Variants in FGD5 observed in about 807,000 individuals in gnomAD.
The protein encoded by FGD5 is FYVE, RhoGEF and PH domain-containing protein 5.
In FGD5, 28 loss-of-function variants were observed where a neutral mutation model predicts 133.4. The ratio of observed to expected loss-of-function variants is 0.21; its 90% CI spans 0.16 to 0.29. The LOEUF (loss-of-function observed/expected upper bound fraction) is 0.29, where lower values mean the gene tolerates loss of function less well. FGD5 is among the 10% of genes least tolerant of loss of function. The pLI is 1.00. For synonymous variants in FGD5, 810 were observed against 776.5 expected (o/e 1.04, Z -0.72); for missense variants, 1,858 against 1,895.2 (o/e 0.98, Z 0.36).
intron 4 of FGD5, among the ~76,000 whole-genome samples, chr3:14,891,129 T>C (rs1216398960): frequency 3.3e-5 from 5 of 152,326 alleles, no homozygotes; most frequent in Middle Eastern, 6.8e-3. Context: ...TTTCCTGGGA[T>C]GCCAGGGCTC....
At chr3:14,920,888 A>G (rs2038666763) in intron 13 of FGD5, among the ~76,000 whole-genome samples, 1 of 152,220 alleles carries the variant, frequency 6.6e-6, no homozygotes, top group African/African-American at 2.4e-5. Context: ...TTGGAAACCC[A>G]AAGGAGGGAC....
chr3:14,880,464 C>T, intron 2 of FGD5, 108 bp from the exon 3 acceptor site: 1 of 911,714 alleles, frequency 1.1e-6, no homozygotes, highest in East Asian at 2.6e-5. Flanking sequence ...GTAATGAGTG[C>T]CAGGAAATGG....
chr3:14,904,719 T>A (rs1188088432), intron 9 of FGD5, among the ~76,000 whole-genome samples: 1 of 152,222 alleles, frequency 6.6e-6, no homozygotes, highest in East Asian at 1.9e-4. Context: ...CTTTTACACC[T>A]CCTTAGCTGA....
At chr3:14,844,205 A>T (rs1201807157) in intron 1 of FGD5, among the ~76,000 whole-genome samples, 1 of 7,834 alleles carries the variant, frequency 1.3e-4, no homozygotes, top group African/African-American at 5.0e-4. Context: ...AATAGGCATT[A>T]AAAAAAAAAA....
intron 4 of FGD5, among the ~76,000 whole-genome samples, chr3:14,893,462 C>T (rs183304592): frequency 1.3e-3 from 204 of 152,262 alleles, no homozygotes; most frequent in Non-Finnish European, 2.6e-3. Flanking sequence ...AGCAATCTTC[C>T]TGCTTCAGCA....
intron 4 of FGD5, among the ~76,000 whole-genome samples, chr3:14,887,545 TA>T (rs879890910): frequency 4.5e-4 from 64 of 143,808 alleles, no homozygotes; most frequent in Admixed American, 5.6e-4. Flanking sequence ...ACCCTGTCCC[TA>T]AAAAAAAAAA....
intron 4 of FGD5, among the ~76,000 whole-genome samples, chr3:14,892,066 C>A (rs1042896353): frequency 6.6e-6 from 1 of 152,022 alleles, no homozygotes; most frequent in Non-Finnish European, 1.5e-5. Context: ...TGTTCCCCTG[C>A]AGGGAGGGGT....
At chr3:14,870,626 C>T (rs564059523) in intron 2 of FGD5, among the ~76,000 whole-genome samples, 1 of 152,192 alleles carries the variant, frequency 6.6e-6, no homozygotes, top group Non-Finnish European at 1.5e-5. Flanking sequence ...GCCCCCAGAC[C>T]CCATCCTTCA....
intron 4 of FGD5, chr3:14,882,145 C>T (rs2037836795): frequency 4.0e-6 from 1 of 252,250 alleles, no homozygotes; most frequent in Non-Finnish European, 6.3e-6. Context: ...CCCCATTCAG[C>T]TTTTATACCT....
In FGD5 at chr3:14,819,796, T is replaced by C. The variant is rs1217475513; in HGVS notation, c.725T>C (p.Met242Thr). 21 of 1,576,296 alleles carry C rather than the reference T, an allele frequency of 1.3e-5. No homozygotes were observed. Among genetic ancestry groups the C allele is most frequent in the Non-Finnish European group, 1.6e-5 (19 of 1,161,128 alleles). ...GGTCCTGACAGGCCCACGGAGGACA[T>C]GGGACAGGATGCTGAGGACACCAGT... ...GSGPDRPTED[M>T]GQDAEDTSEE... is the part of the protein sequence containing the mutation. The change falls in exon 1 of 20, where the codon ATG (methionine) becomes ACG (threonine). Residue 242 changes from methionine (M) to threonine (T), a missense_variant. Physicochemically the swap from Met to Thr is moderately conservative, Grantham distance 81. Around this residue, in one of 3 missense-constraint regions of FGD5, gnomAD observed 1,824 missense variants for 1,848.9 expected, o/e 0.99. Transcript: ENST00000285046. This position sits in a 1 kb window ranked among gnomAD's most constrained non-coding sequence, Gnocchi z 4.1.
At chr3:14,880,083 A>G (rs1013829354) in intron 2 of FGD5, among the ~76,000 whole-genome samples, 14 of 152,274 alleles carry the variant, frequency 9.2e-5, no homozygotes, top group African/African-American at 2.6e-4. Context: ...TCGGTGGCTC[A>G]TGCCTATAAT....
chr3:14,899,530 T>A (rs904863399), intron 7 of FGD5, among the ~76,000 whole-genome samples: 1 of 152,192 alleles, frequency 6.6e-6, no homozygotes, highest in East Asian at 1.9e-4. Context: ...GATATGTAAT[T>A]CCAGGTAGCA....
rs576116607 is a variant in FGD5 at position 14,898,163 on chromosome 3, TGCAA to T, written c.3066+69_3066+72del. On this transcript the variant is annotated intron_variant, in intron 6 of 19. Coordinates refer to ENST00000285046, the MANE Select transcript of FGD5 (RefSeq NM_152536.4). The stretch of plus-strand genomic sequence containing the variant: ...GGGTTGAGGTGGGCGAAGGGCTTAA[TGCAA>T]ATCAGTGGGACATCTTGGTAGGTGT... The T allele has an allele frequency of 5.0e-6, 8 of 1,589,106 alleles. No homozygotes were observed. In the African/African-American group the frequency reaches 1.1e-4, roughly 21 times the overall value.
intron 4 of FGD5, among the ~76,000 whole-genome samples, chr3:14,889,303 A>C (rs529832381): frequency 6.6e-6 from 1 of 152,332 alleles, no homozygotes; most frequent in South Asian, 2.1e-4. Context: ...GCTCTCTGTC[A>C]CATGAGAGTG....
chr3:14,910,096 CA>C (rs879672016), intron 10 of FGD5, among the ~76,000 whole-genome samples: 1 of 151,000 alleles, frequency 6.6e-6, no homozygotes, highest in African/African-American at 2.4e-5. Context: ...GCCAAATTTG[CA>C]AAAAAATAAA....
intron 1 of FGD5, among the ~76,000 whole-genome samples, chr3:14,853,695 C>T (rs76438117): frequency 0.097 from 11,508 of 118,644 alleles, 670 homozygotes; most frequent in East Asian, 0.34. Flanking sequence ...TTTGGCTGTG[C>T]TCAGAGTTAT....
intron 2 of FGD5, among the ~76,000 whole-genome samples, chr3:14,865,119 A>AC (rs1216267069): frequency 7.1e-6 from 1 of 140,746 alleles, no homozygotes; most frequent in Admixed American, 7.3e-5. Flanking sequence ...CCCCCACCCA[A>AC]CCCACCCATC....
intron 2 of FGD5, among the ~76,000 whole-genome samples, chr3:14,869,030 C>G (rs2037554465): frequency 6.6e-6 from 1 of 152,158 alleles, no homozygotes; most frequent in Non-Finnish European, 1.5e-5. Flanking sequence ...CACGGTGGCT[C>G]ACACCTGTAA....
upstream of FGD5, among the ~76,000 whole-genome samples, chr3:14,814,638 C>G (rs2036342503): frequency 6.6e-6 from 1 of 152,138 alleles, no homozygotes; most frequent in Admixed American, 6.5e-5. Context: ...TCAACAGGCT[C>G]CTGCCTTAAA....
Sources: gnomAD v4.1 joint callset for allele counts (sites outside exome capture counted in the v4.1 genomes callset) on GRCh38, gnomAD v4.1.1 for gene constraint, gnomAD v4.1.1 regional missense constraint, Gnocchi (gnomAD v3.1) non-coding constraint, MANE v1.5 for transcripts, NCBI Gene and HGNC (gene_info 2026-07-23, HGNC 2026-07-21) for gene names.